The following PRKN variants were observed in gnomAD, a reference collection of about 807,000 sequenced individuals.
The protein encoded by PRKN is E3 ubiquitin-protein ligase parkin.
Under a neutral mutation model 59.5 loss-of-function variants are expected in PRKN, and 56 were observed. The ratio of observed to expected loss-of-function variants is 0.94; its 90% CI spans 0.76 to 1.18. The LOEUF is 1.18. Ranked by LOEUF, PRKN falls within the 50% of genes most tolerant of loss-of-function variation. PRKN has a pLI of 0.00. For synonymous variants in PRKN, 250 were observed against 222.1 expected (o/e 1.13, Z -1.12); for missense variants, 657 against 596.4 (o/e 1.10, Z -1.06).
chr6:162,555,836 C>T (rs1388135469), intron 1 of PRKN, among the ~76,000 whole-genome samples: 1 of 151,954 alleles, frequency 6.6e-6, no homozygotes, highest in African/African-American at 2.4e-5. Context: ...ACTAAAAATA[C>T]AAAAACTAGC....
Position 161,385,541 on chromosome 6 carries a change from A to C in PRKN, c.1167+1253T>G, listed in dbSNP as rs1365885514. On this transcript the variant is annotated intron_variant, in intron 10 of 11. Coordinates refer to ENST00000366898, the MANE Select transcript of PRKN (RefSeq NM_004562.3). The surrounding 1 kb of genome is among the most constrained non-coding windows in gnomAD (Gnocchi z 4.9). ...GCGCCTGGATGGCTTTAGGTTAAGC[A>C]ATGCTCTTCTTTCCCTTACAGCTAC... 6.6e-6 allele frequency among the ~76,000 whole-genome samples: 1 copy of C among 152,204 alleles called. No individual in the cohort carries two copies. Among genetic ancestry groups the C allele is most frequent in the Non-Finnish European group, 1.5e-5 (1 of 68,038 alleles).
chr6:162,704,187 T>C (rs1038248083), intron 1 of PRKN, among the ~76,000 whole-genome samples: 1 of 152,140 alleles, frequency 6.6e-6, no homozygotes, highest in African/African-American at 2.4e-5. Context: ...GCCCTCCACC[T>C]GGGCAGCAGG....
At chr6:162,586,924 A>C (rs1781085015) in intron 1 of PRKN, among the ~76,000 whole-genome samples, 1 of 152,172 alleles carries the variant, frequency 6.6e-6, no homozygotes, top group South Asian at 2.1e-4. Context: ...GCACTGTGGC[A>C]GGTCCTACTA....
chr6:161,967,681 C>A (rs1018021431), intron 6 of PRKN, among the ~76,000 whole-genome samples: 1 of 152,206 alleles, frequency 6.6e-6, no homozygotes, highest in Non-Finnish European at 1.5e-5. Flanking sequence ...GCTCCGTCAT[C>A]AAGGTCTATT....
At position 161,456,141 on chromosome 6, in the gene PRKN, T is replaced by G. The variant is rs1789958531; in HGVS notation, c.1084-69264A>C. On this transcript the variant is annotated intron_variant, in intron 9 of 11. Transcript: ENST00000366898. This position sits in a 1 kb window ranked among gnomAD's most constrained non-coding sequence, Gnocchi z 4.8. ...GCAAAGTATTGTTCCTGGGTGTGTC[T>G]GTGAGGGTGTTGCCAAAGGAGATTA... Among the ~76,000 whole-genome samples, 1 of 152,138 alleles carries G rather than the reference T, an allele frequency of 6.6e-6. No homozygotes were observed. The highest frequency in any genetic ancestry group is 2.4e-5 in the African/African-American group (1 of 41,448).
intron 7 of PRKN, among the ~76,000 whole-genome samples, chr6:161,623,143 C>T (rs1206532207): frequency 6.6e-6 from 1 of 152,152 alleles, no homozygotes; most frequent in Admixed American, 6.5e-5. Context: ...CCATAGTTAA[C>T]ACTCGAGAGC....
At chr6:161,939,507 A>G (rs1006353319) in intron 6 of PRKN, among the ~76,000 whole-genome samples, 1 of 150,550 alleles carries the variant, frequency 6.6e-6, no homozygotes. Flanking sequence ...CGAGGCAGGC[A>G]GCTCACTTAA....
chr6:162,463,050 C>T (rs7740256), intron 1 of PRKN, among the ~76,000 whole-genome samples: 5,700 of 151,358 alleles, frequency 0.038, 331 homozygotes, highest in African/African-American at 0.13. Context: ...ACCTGGGTGA[C>T]GGAGTGAGAC....
At chr6:161,650,659 T>C (rs1784119283) in intron 7 of PRKN, among the ~76,000 whole-genome samples, 1 of 152,198 alleles carries the variant, frequency 6.6e-6, no homozygotes, top group South Asian at 2.1e-4. Context: ...CCTTTCAATT[T>C]TGTAATACGG....
At chr6:161,558,976 C>T (rs183960813) in intron 8 of PRKN, among the ~76,000 whole-genome samples, 1 of 145,912 alleles carries the variant, frequency 6.9e-6, no homozygotes, top group Admixed American at 7.0e-5. Context: ...AAGGGCTGGA[C>T]CTTGTTAATT....
chr6:161,774,604 G>C (rs1371615900), intron 7 of PRKN, among the ~76,000 whole-genome samples: 1 of 152,152 alleles, frequency 6.6e-6, no homozygotes, highest in Non-Finnish European at 1.5e-5. Context: ...AGACACAGGG[G>C]CTGCTGTGGG....
chr6:162,433,971 C>T (rs572105143), intron 2 of PRKN, among the ~76,000 whole-genome samples: 7 of 152,196 alleles, frequency 4.6e-5, no homozygotes, highest in African/African-American at 1.7e-4. Context: ...AGTTCTGTGC[C>T]ATAATTAGTC....
At chr6:162,163,152 G>A (rs1285231731) in intron 4 of PRKN, among the ~76,000 whole-genome samples, 2 of 149,272 alleles carry the variant, frequency 1.3e-5, no homozygotes, top group African/African-American at 5.0e-5. Flanking sequence ...AGACTTCTAA[G>A]ACAGTGATGC....
chr6:162,162,959 G>C (rs1304897884), intron 4 of PRKN, among the ~76,000 whole-genome samples: 1 of 148,960 alleles, frequency 6.7e-6, no homozygotes, highest in East Asian at 1.9e-4. Context: ...AGTGAGCCGA[G>C]ATCGTGCCAC....
At chr6:162,253,588 C>T (rs1395369953) in intron 3 of PRKN, among the ~76,000 whole-genome samples, 3 of 152,046 alleles carry the variant, frequency 2.0e-5, no homozygotes, top group African/African-American at 7.3e-5. Context: ...ATCCTAAACG[C>T]TCAATTTGAA....
At chr6:161,387,751 G>T (rs73606913) in intron 9 of PRKN, among the ~76,000 whole-genome samples, 2 of 152,198 alleles carry the variant, frequency 1.3e-5, no homozygotes, top group African/African-American at 4.8e-5. Flanking sequence ...CCACATAATG[G>T]ATAGGTGGAA....
At chr6:161,952,532 T>C (rs1012910661) in intron 6 of PRKN, among the ~76,000 whole-genome samples, 12 of 152,144 alleles carry the variant, frequency 7.9e-5, no homozygotes, top group Non-Finnish European at 1.6e-4. Context: ...GGCAGGAGGA[T>C]CACCTGCACC....
intron 4 of PRKN, among the ~76,000 whole-genome samples, chr6:162,131,988 T>C (rs535469898): frequency 6.6e-6 from 1 of 152,312 alleles, no homozygotes; most frequent in African/African-American, 2.4e-5. Context: ...CGTGTGGTGA[T>C]GGTTAACTGA....
intron 7 of PRKN, among the ~76,000 whole-genome samples, chr6:161,733,797 T>TATATATATATATATATATATATATAC (rs58765166): frequency 2.4e-5 from 2 of 81,996 alleles, no homozygotes; most frequent in Non-Finnish European, 5.1e-5. Flanking sequence ...TATATATATA[T>TATATATATATATATATATATATATAC]GTATATATAT....
Sources: allele counts gnomAD v4.1 joint callset (sites outside exome capture counted in the v4.1 genomes callset), GRCh38; gene constraint gnomAD v4.1.1; non-coding constraint Gnocchi (gnomAD v3.1); transcripts MANE v1.5; gene names NCBI Gene and HGNC (gene_info 2026-07-23, HGNC 2026-07-21).